The following RASA1 variants were observed in gnomAD, a reference collection of about 807,000 sequenced individuals.
RASA1 encodes ras GTPase-activating protein 1.
A neutral mutation model predicts 132.2 loss-of-function variants in RASA1; 25 were observed. The ratio of observed to expected loss-of-function variants is 0.19; its 90% confidence interval spans 0.14 to 0.26. The LOEUF (loss-of-function observed/expected upper bound fraction) is 0.26, where lower values mean the gene tolerates loss of function less well. Among genes scored for constraint, RASA1 ranks in the 10% least tolerant of loss-of-function variants. The pLI, the probability that RASA1 is intolerant of heterozygous loss-of-function variation, is 1.00. For synonymous variants in RASA1, 477 were observed against 449.9 expected, an observed-to-expected ratio of 1.06 and a Z score of -0.76; for missense variants, 964 against 1,299.2, an observed-to-expected ratio of 0.74 and a Z score of 3.97.
At chr5:87,359,480 C>G (rs1759910546) in intron 9 of RASA1, among the ~76,000 whole-genome samples, 1 of 152,084 alleles carries the variant, frequency 6.6e-6, no homozygotes, top group African/African-American at 2.4e-5. Flanking sequence ...CTAGTCCCCA[C>G]TTTAATATGA....
chr5:87,280,634 T>A (rs1754275675), intron 1 of RASA1, among the ~76,000 whole-genome samples: 1 of 152,180 alleles, frequency 6.6e-6, no homozygotes, highest in African/African-American at 2.4e-5. Flanking sequence ...TTCATGTGCT[T>A]TTTCCATCTG....
At chr5:87,313,182 G>C (rs1034695465) in intron 1 of RASA1, among the ~76,000 whole-genome samples, 3 of 152,164 alleles carry the variant, frequency 2.0e-5, no homozygotes, top group African/African-American at 7.2e-5. Context: ...TTTTTGATGT[G>C]ATCAAATGGC....
intron 12 of RASA1, among the ~76,000 whole-genome samples, chr5:87,370,755 C>T (rs1055671097): frequency 5.9e-5 from 9 of 152,074 alleles, no homozygotes; most frequent in East Asian, 1.9e-4. Flanking sequence ...TATATTCTAA[C>T]GAAGGAACTT....
At chr5:87,359,290 C>CATT (rs1353050989) in intron 9 of RASA1, among the ~76,000 whole-genome samples, 4 of 152,122 alleles carry the variant, frequency 2.6e-5, no homozygotes. Flanking sequence ...AGACTCTAAC[C>CATT]AATCAGATTA....
At chr5:87,389,646 GCAT>G (rs1404420859) in intron 24 of RASA1, 119 bp downstream of exon 24, 1 of 1,316,584 alleles carries the variant, frequency 7.6e-7, no homozygotes, top group African/African-American at 1.5e-5. Flanking sequence ...TTGAGACTCT[GCAT>G]CATATTACAA....
intron 1 of RASA1, among the ~76,000 whole-genome samples, chr5:87,319,374 G>A (rs926208325): frequency 1.3e-5 from 2 of 152,252 alleles, no homozygotes; most frequent in Non-Finnish European, 2.9e-5. Flanking sequence ...TCTCCATGAG[G>A]ACTCTGGCCC....
chr5:87,275,335 A>G (rs975904226), intron 1 of RASA1, among the ~76,000 whole-genome samples: 4 of 152,206 alleles, frequency 2.6e-5, no homozygotes, highest in African/African-American at 7.2e-5. Flanking sequence ...TTGCTGCATA[A>G]TAAAGCACTC....
At chr5:87,368,918 T>C (rs1469070067) in intron 11 of RASA1, among the ~76,000 whole-genome samples, 1 of 152,194 alleles carries the variant, frequency 6.6e-6, no homozygotes, top group Non-Finnish European at 1.5e-5. Context: ...TTAAGTTTTA[T>C]CCAACTAGGG....
intron 1 of RASA1, among the ~76,000 whole-genome samples, chr5:87,319,106 G>A (rs1756572596): frequency 2.0e-5 from 3 of 152,252 alleles, no homozygotes; most frequent in Admixed American, 6.5e-5. Flanking sequence ...GCTGATGCAA[G>A]GGGTGGCCTC....
At chr5:87,316,587 C>G (rs922861655) in intron 1 of RASA1, among the ~76,000 whole-genome samples, 1 of 152,100 alleles carries the variant, frequency 6.6e-6, no homozygotes, top group Non-Finnish European at 1.5e-5. Context: ...CTAGACCTGT[C>G]CCACAGAGAC....
chr5:87,329,768 C>G (rs1757478772), intron 1 of RASA1, among the ~76,000 whole-genome samples: 1 of 152,122 alleles, frequency 6.6e-6, no homozygotes, highest in Admixed American at 6.5e-5. Flanking sequence ...GAGGAATGCA[C>G]TAGTTTCATA....
intron 11 of RASA1, chr5:87,366,305 T>C (rs185820251): frequency 4.1e-4 from 151 of 367,834 alleles, no homozygotes; most frequent in Non-Finnish European, 7.1e-4. Context: ...ATCTGTAAGA[T>C]TGAAGAAAAG....
intron 1 of RASA1, among the ~76,000 whole-genome samples, chr5:87,290,861 G>A (rs1312834054): frequency 6.6e-6 from 1 of 152,142 alleles, no homozygotes. Context: ...AATTTATCCA[G>A]TCAGCTAGTG....
At chr5:87,382,636 G>A (rs2112506293) in intron 20 of RASA1, among the ~76,000 whole-genome samples, 1 of 152,252 alleles carries the variant, frequency 6.6e-6, no homozygotes, top group South Asian at 2.1e-4. Flanking sequence ...GGCAGAATAG[G>A]AGTATCTATG....
Position 87,283,149 on chromosome 5 carries a change from T to TG in RASA1, c.539+14159_539+14160insG, listed in dbSNP as rs1479285884. On this transcript the variant is annotated intron_variant, in intron 1 of 24. Coordinates refer to ENST00000274376, the MANE Select transcript of RASA1 (RefSeq NM_002890.3). ...TAGTAAGTTTTGTTTTTTTTTTGTG[T>TG]TTTTTTTTTTTTTGGTTGTTATTGT... Among the ~76,000 whole-genome samples the TG allele has an allele frequency of 5.2e-3, 504 of 97,152 alleles. 1 individual carries two copies. The highest frequency in any genetic ancestry group is 0.015 in the African/African-American group (456 of 29,642). The allele number at this position is 97,152 out of a possible 152,430, so 63.7% of individuals were successfully genotyped here.
chr5:87,292,484 T>C (rs1754951843), intron 1 of RASA1, among the ~76,000 whole-genome samples: 1 of 152,048 alleles, frequency 6.6e-6, no homozygotes, highest in East Asian at 1.9e-4. Context: ...TTATATTTAT[T>C]TGGGTCTGTT....
chr5:87,387,653 T>C (rs1475147591), intron 23 of RASA1, among the ~76,000 whole-genome samples: 1 of 152,126 alleles, frequency 6.6e-6, no homozygotes, highest in Admixed American at 6.6e-5. Flanking sequence ...TGTTCTGTCT[T>C]AATGTATTCA....
Position 87,379,839 on chromosome 5 carries a change from A to T in RASA1, c.2592A>T (p.Glu864Asp). 6.2e-7 allele frequency: 1 copy of T among 1,612,576 alleles called. No individual in the cohort carries two copies. The highest frequency in any genetic ancestry group is 8.5e-7 in the Non-Finnish European group (1 of 1,178,972). Reference sequence around the variant, plus strand: ...TGGAGAAAATATTCATGGCTTCAGAAATACTTCCACCGTAAGTGGTGAAAT... The same window carrying T: ...TGGAGAAAATATTCATGGCTTCAGATATACTTCCACCGTAAGTGGTGAAAT... ...ELVEKIFMAS[E>D]ILPPTLRYIY... The change falls in exon 19 of 25, where the codon GAA becomes GAT. Residue 864 changes from glutamate (E) to aspartate (D), a missense_variant. This residue lies in a region of RASA1 where 346 missense variants were observed against 520.1 expected (regional missense o/e 0.67). Transcript: ENST00000274376.
chr5:87,342,167 T>C (rs557873712), intron 6 of RASA1, among the ~76,000 whole-genome samples: 8 of 151,376 alleles, frequency 5.3e-5, no homozygotes, highest in Non-Finnish European at 1.0e-4. Context: ...TTTTTCTTTT[T>C]TTTTTTTTTT....
Sources: gnomAD v4.1 joint callset for allele counts (sites outside exome capture counted in the v4.1 genomes callset) on GRCh38, gnomAD v4.1.1 for gene constraint, gnomAD v4.1.1 regional missense constraint, MANE v1.5 for transcripts, NCBI Gene and HGNC (gene_info 2026-07-23, HGNC 2026-07-21) for gene names.